Variants in SLC12A4 observed in about 807,000 individuals in gnomAD.
The protein encoded by SLC12A4 is solute carrier family 12 member 4.
A neutral mutation model predicts 119.2 loss-of-function variants in SLC12A4; 84 were observed. The observed-to-expected ratio is 0.70, with a 90% CI of 0.59 to 0.85. The LOEUF is 0.85. Ranked by LOEUF, SLC12A4 falls within the 40% of genes least tolerant of loss-of-function variation. The pLI is 0.00. For missense variants in SLC12A4, 1,298 were observed against 1,476.3 expected, an observed-to-expected ratio of 0.88 and a Z score of 1.98; for synonymous variants, 599 against 604.6, an observed-to-expected ratio of 0.99 and a Z score of 0.14.
chr16:67,959,857 T>C (rs2151335960), intron 3 of SLC12A4, among the ~76,000 whole-genome samples: 1 of 152,324 alleles, frequency 6.6e-6, no homozygotes, highest in East Asian at 1.9e-4. Context: ...CTTGGCATGG[T>C]CTGGTCGGAG....
Position 67,945,821 on chromosome 16 carries a change from C to T in SLC12A4, c.2790G>A (p.Glu930=). 1.9e-6 allele frequency: 3 copies of T among 1,613,972 alleles called. No individual in the cohort carries two copies. The highest frequency in any genetic ancestry group is 2.5e-6 in the Non-Finnish European group (3 of 1,180,036). ...TCTGCCGCAGCATCTGCGACCGCTGCTCCATCATCAGCGTCCGCTCGTAGG... is the reference window on the plus strand; with the variant it reads ...TCTGCCGCAGCATCTGCGACCGCTGTTCCATCATCAGCGTCCGCTCGTAGG... ...AYTYERTLMM[E]QRSQMLRQMR... The change falls in exon 21 of 24, where the codon GAG becomes GAA. Residue 930 remains glutamate (E), a synonymous_variant. Coordinates refer to ENST00000316341, the MANE Select transcript of SLC12A4 (RefSeq NM_005072.5).
rs376440645 is a variant in SLC12A4 at position 67,944,899 on chromosome 16, G to A, written c.3199C>T (p.Leu1067Phe). 6.2e-7 allele frequency: 1 copy of A among 1,613,526 alleles called. No homozygotes were observed. Among genetic ancestry groups the A allele is most frequent in the Non-Finnish European group, 8.5e-7 (1 of 1,180,024 alleles). The change falls in exon 24 of 24, where the codon CTT (leucine) becomes TTT (phenylalanine). Residue 1067 changes from leucine to phenylalanine, a missense_variant. By Grantham distance (22) the Leu-to-Phe change is conservative (BLOSUM62 0). Coordinates refer to ENST00000316341, the MANE Select transcript of SLC12A4 (RefSeq NM_005072.5). The surrounding 1 kb of genome is among the most constrained non-coding windows in gnomAD (Gnocchi z 6.6). ...MEFLEVLTEGLERVLLVRGGG... is the reference protein window; with the variant it reads ...MEFLEVLTEGFERVLLVRGGG... The stretch of plus-strand genomic sequence containing the variant: ...CCGCGCACCAACAGCACCCGCTCAA[G>A]GCCCTCGGTCAGCACCTCGAGGAAC...
intron 13 of SLC12A4, among the ~76,000 whole-genome samples, chr16:67,948,616 G>A (rs1376169582): frequency 2.0e-5 from 3 of 152,198 alleles, no homozygotes; most frequent in Admixed American, 6.5e-5. Flanking sequence ...GGAGTCCCAC[G>A]CATGGGCAGG....
chr16:67,957,729 G>C lies in SLC12A4; in HGVS notation c.544+13C>G, dbSNP rs990817962. 6.2e-7 allele frequency: 1 copy of C among 1,612,610 alleles called. No individual in the cohort carries two copies. The highest frequency in any genetic ancestry group is 1.3e-5 in the African/African-American group (1 of 74,856). The stretch of plus-strand genomic sequence containing the variant: ...TTTTCTCTTCCACCAGGCCTTGGGT[G>C]GCGCTCACTGACCTGGAACCACACC... On this transcript the variant is annotated intron_variant, in intron 5 of 23. Transcript: ENST00000316341.
Position 67,943,931 on chromosome 16 carries a change from G to T in SLC12A4, c.*909C>A. ...CAGGGTCTGGCGTGGTGCATCAGGG[G>T]CCTGGTGGGGGCTTACCGAGGATGA... is the stretch of plus-strand genomic sequence containing the variant. On this transcript the variant is annotated 3_prime_UTR_variant, in exon 24 of 24. Coordinates refer to ENST00000316341, the MANE Select transcript of SLC12A4 (RefSeq NM_005072.5). This position sits in a 1 kb window ranked among gnomAD's most constrained non-coding sequence, Gnocchi z 4.6. 1.3e-6 allele frequency: 2 copies of T among 1,540,262 alleles called. No homozygotes were observed. The highest frequency in any genetic ancestry group is 1.8e-6 in the Non-Finnish European group (2 of 1,140,746).
At chr16:67,961,425 G>T in intron 3 of SLC12A4, 150 bp downstream of exon 3, 1 of 1,210,340 alleles carries the variant, frequency 8.3e-7, no homozygotes, top group Non-Finnish European at 1.2e-6. Context: ...AGCCTCCTGA[G>T]ACAAGGCATT....
chr16:67,946,484 G>A lies in SLC12A4; in HGVS notation c.2391C>T (p.Tyr797=), dbSNP rs767938034. 31 of 1,608,084 alleles carry A rather than the reference G, an allele frequency of 1.9e-5. No individual in the cohort carries two copies. Among genetic ancestry groups the A allele is most frequent in the South Asian group, 7.7e-5 (7 of 91,084 alleles). ...GGGGGTCCTCGCTCTGTCGCCAGCC[G>A]TAGGGCCAGCCCAGCACCACGGAGT... The part of the protein sequence containing the change: ...RHNSVVLGWP[Y]GWRQSEDPRA... The change falls in exon 18 of 24, where the codon TAC becomes TAT. Residue 797 remains tyrosine (Y), a synonymous_variant. Transcript: ENST00000316341.
At chr16:67,948,602 C>T (rs754770884) in intron 13 of SLC12A4, among the ~76,000 whole-genome samples, 15 of 152,178 alleles carry the variant, frequency 9.9e-5, no homozygotes, top group Non-Finnish European at 1.9e-4. Context: ...CTGCGGTGGG[C>T]GTGGGAGTCC....
chr16:67,953,129 G>A (rs1167912921), intron 6 of SLC12A4, among the ~76,000 whole-genome samples: 2 of 152,002 alleles, frequency 1.3e-5, no homozygotes, highest in African/African-American at 2.4e-5. Context: ...GGGCGCAATG[G>A]CTCATGCCTA....
chr16:67,947,091 A>G lies in SLC12A4; in HGVS notation c.2087T>C (p.Val696Ala). ...GAGGTCCTCGTCCAGCTTCAGCAGC[A>G]CCAGCAGCTGCGGCCTGCAGTGGCC... ...HTKNWRPQLL[V>A]LLKLDEDLHV... is the part of the protein sequence containing the mutation. The change falls in exon 17 of 24, where the codon GTG becomes GCG. Residue 696 changes from valine to alanine, a missense_variant. Coordinates refer to ENST00000316341, the MANE Select transcript of SLC12A4 (RefSeq NM_005072.5). The G allele has an allele frequency of 6.3e-7, 1 of 1,599,270 alleles. No homozygotes were observed. The highest frequency in any genetic ancestry group is 8.5e-7 in the Non-Finnish European group (1 of 1,175,104).
chr16:67,967,283 C>G (rs2030908541), intron 1 of SLC12A4, among the ~76,000 whole-genome samples: 1 of 152,226 alleles, frequency 6.6e-6, no homozygotes, highest in Non-Finnish European at 1.5e-5. Context: ...GATCAGAGGT[C>G]CAGACAACGT....
chr16:67,946,425 G>A lies in SLC12A4; in HGVS notation c.2437+13C>T. 1 of 1,604,062 alleles carries A rather than the reference G, an allele frequency of 6.2e-7. No homozygotes were observed. The highest frequency in any genetic ancestry group is 2.2e-5 in the East Asian group (1 of 44,846). ...CTTCACCCCTGCCCACCAGGCCCCA[G>A]GCCTTCACACACCAATGAAGGTCTT... On this transcript the variant is annotated intron_variant, in intron 18 of 23. Coordinates refer to ENST00000316341, the MANE Select transcript of SLC12A4 (RefSeq NM_005072.5).
chr16:67,956,249 G>T lies in SLC12A4; in HGVS notation c.545-1476C>A, dbSNP rs1228299573. Among the ~76,000 whole-genome samples, 3 of 152,158 alleles carry T rather than the reference G, an allele frequency of 2.0e-5. No homozygotes were observed. In the East Asian group the frequency reaches 5.8e-4, roughly 29 times the overall value. On this transcript the variant is annotated intron_variant, in intron 5 of 23. Coordinates refer to ENST00000316341, the MANE Select transcript of SLC12A4 (RefSeq NM_005072.5). ...CCACCTCCAGGACCCTCTCCTAAGG[G>T]AACTGCTGGGGCATGAACAAAGATT...
intron 3 of SLC12A4, among the ~76,000 whole-genome samples, chr16:67,959,222 G>A (rs2030436127): frequency 6.6e-6 from 1 of 152,222 alleles, no homozygotes; most frequent in Non-Finnish European, 1.5e-5. Context: ...GAGGCTGAGA[G>A]CACAGAGGCT....
chr16:67,950,449 GC>G lies in SLC12A4; in HGVS notation c.1498del (p.Ala500ProfsTer51), dbSNP rs2058401609. 1 of 1,613,930 alleles carries G rather than the reference GC, an allele frequency of 6.2e-7. No homozygotes were observed. Among genetic ancestry groups the G allele is most frequent in the Admixed American group, 1.7e-5 (1 of 60,012 alleles). ...VSRNLVVGTL[A>X]WPSPWVIVIG... Reference sequence around the variant, plus strand: ...GACGATGACCCAGGGTGAAGGCCAGGCCAGTGTGCCCACCACCAAGTTCCTG... The same window carrying G: ...GACGATGACCCAGGGTGAAGGCCAGGCAGTGTGCCCACCACCAAGTTCCTG... On this transcript the variant is annotated frameshift_variant, in exon 12 of 24. Coordinates refer to ENST00000316341, the MANE Select transcript of SLC12A4 (RefSeq NM_005072.5). LOFTEE classifies it high-confidence loss of function. This position sits in a 1 kb window ranked among gnomAD's most constrained non-coding sequence, Gnocchi z 4.3.
intron 5 of SLC12A4, among the ~76,000 whole-genome samples, chr16:67,955,919 G>A (rs1319057821): frequency 2.0e-5 from 3 of 151,970 alleles, no homozygotes; most frequent in African/African-American, 7.3e-5. Flanking sequence ...GCTCACGCCT[G>A]TAATCCCAGC....
At position 67,957,530 on chromosome 16, in the gene SLC12A4, G is replaced by A. The variant is rs1354689568; in HGVS notation, c.544+212C>T. ...ACATTGCCCTTTTTTTTTCTTTTTT[G>A]GTATTGCTTTTATATTAACAAAAAC... is the stretch of plus-strand genomic sequence containing the variant. On this transcript the variant is annotated intron_variant, in intron 5 of 23. Coordinates refer to ENST00000316341, the MANE Select transcript of SLC12A4 (RefSeq NM_005072.5). 3 of 570,102 alleles carry A rather than the reference G, an allele frequency of 5.3e-6. No homozygotes were observed. In the South Asian group the frequency reaches 7.1e-5, roughly 14 times the overall value. The allele number at this position is 570,102 out of a possible 1,614,324, so 35.3% of individuals were successfully genotyped here.
intron 4 of SLC12A4, 38 bp from the exon 5 acceptor site, chr16:67,957,834 G>T: frequency 6.2e-7 from 1 of 1,614,136 alleles, no homozygotes; most frequent in Non-Finnish European, 8.5e-7. Flanking sequence ...GCTCAGCTGG[G>T]TGGGCTCTGT....
chr16:67,947,556 C>T, intron 15 of SLC12A4, 113 bp downstream of exon 15: 2 of 1,503,688 alleles, frequency 1.3e-6, no homozygotes, highest in Non-Finnish European at 1.8e-6. Context: ...TTACAGTCCC[C>T]AGTCCTGGCA....
Sources: gnomAD v4.1 joint callset for allele counts (sites outside exome capture counted in the v4.1 genomes callset) on GRCh38, gnomAD v4.1.1 for gene constraint, Gnocchi (gnomAD v3.1) non-coding constraint, MANE v1.5 for transcripts, NCBI Gene and HGNC (gene_info 2026-07-23, HGNC 2026-07-21) for gene names.